C12orf42: variants seen among roughly 807,000 people sequenced by gnomAD.
C12orf42 encodes the protein uncharacterized protein C12orf42.
In C12orf42, 25 loss-of-function variants were observed where a neutral mutation model predicts 21.6. The observed-to-expected ratio is 1.16, with a 90% CI of 0.84 to 1.62. The LOEUF is 1.62. Ranked by LOEUF, C12orf42 falls within the 40% of genes most tolerant of loss-of-function variation. C12orf42 has a pLI of 0.00. For missense variants in C12orf42, 483 were observed against 459.3 expected (o/e 1.05, Z -0.47); for synonymous variants, 174 against 175.0 (o/e 0.99, Z 0.05).
chr12:103,530,447 TTAAC>T, the C12orf42 span, among the ~76,000 whole-genome samples: 1 of 152,190 alleles, frequency 6.6e-6, no homozygotes, highest in Admixed American at 6.5e-5. Context: ...TTAGAAAAGG[TTAAC>T]TAGCACAAAC....
At chr12:103,116,359 C>T in the C12orf42 span, among the ~76,000 whole-genome samples, 1 of 134,316 alleles carries the variant, frequency 7.4e-6, no homozygotes, top group Admixed American at 7.8e-5. Context: ...AGTAAATCTC[C>T]ATCTCACCAA....
chr12:103,087,119 G>A, the C12orf42 span, among the ~76,000 whole-genome samples: 2 of 151,960 alleles, frequency 1.3e-5, no homozygotes, highest in African/African-American at 4.8e-5. Flanking sequence ...GATTCAGTAG[G>A]TACACGTGCA....
chr12:103,497,245 T>C (rs1194540337), upstream of C12orf42, among the ~76,000 whole-genome samples: 2 of 152,362 alleles, frequency 1.3e-5, no homozygotes, highest in East Asian at 3.9e-4. Context: ...AAGGTTTGTA[T>C]GTATAAACTT....
chr12:103,331,494 G>A (rs530489647), intron 4 of C12orf42, among the ~76,000 whole-genome samples: 2 of 152,140 alleles, frequency 1.3e-5, no homozygotes, highest in Non-Finnish European at 2.9e-5. Context: ...ACTGTGCAAG[G>A]TTCTGCTCTT....
At chr12:103,414,855 C>G (rs2049165848) in intron 2 of C12orf42, among the ~76,000 whole-genome samples, 1 of 151,932 alleles carries the variant, frequency 6.6e-6, no homozygotes, top group Non-Finnish European at 1.5e-5. Context: ...AACTTCTTTT[C>G]CTATTTGGAT....
intron 2 of C12orf42, among the ~76,000 whole-genome samples, chr12:103,412,256 A>C (rs1218232908): frequency 2.0e-5 from 3 of 152,258 alleles, no homozygotes; most frequent in Admixed American, 6.5e-5. Context: ...CATTTTTATT[A>C]AACTGCATTT....
intron 4 of C12orf42, among the ~76,000 whole-genome samples, chr12:103,368,317 T>TCTCTCACACA (rs1555271889): frequency 1.4e-5 from 2 of 146,622 alleles, no homozygotes; most frequent in South Asian, 2.1e-4. Flanking sequence ...TCTCTCTCTC[T>TCTCTCACACA]CACACACACA....
At chr12:103,390,846 A>G (rs752493721) in intron 3 of C12orf42, among the ~76,000 whole-genome samples, 1 of 152,190 alleles carries the variant, frequency 6.6e-6, no homozygotes, top group Non-Finnish European at 1.5e-5. Flanking sequence ...CATACAATAA[A>G]CAATTTAGAT....
intron 2 of C12orf42, among the ~76,000 whole-genome samples, chr12:103,424,947 T>A (rs1404499758): frequency 6.6e-6 from 1 of 152,204 alleles, no homozygotes; most frequent in South Asian, 2.1e-4. Context: ...TTTGAAATTC[T>A]CACTGCCAGC....
At chr12:103,335,988 G>A (rs1201830163) in intron 4 of C12orf42, among the ~76,000 whole-genome samples, 1 of 152,224 alleles carries the variant, frequency 6.6e-6, no homozygotes, top group Non-Finnish European at 1.5e-5. Context: ...TTTGCTCACA[G>A]TGTGTCCTCA....
At chr12:103,049,964 A>T in the C12orf42 span, among the ~76,000 whole-genome samples, 56 of 152,220 alleles carry the variant, frequency 3.7e-4, no homozygotes, top group African/African-American at 1.3e-3. Context: ...CTTCCATTGG[A>T]TGCTCCATGT....
At chr12:103,069,577 A>G in the C12orf42 span, among the ~76,000 whole-genome samples, 1 of 152,192 alleles carries the variant, frequency 6.6e-6, no homozygotes, top group Admixed American at 6.6e-5. Context: ...AAATGGTTTT[A>G]TGGATAATTG....
chr12:103,539,743 C>A, the C12orf42 span, among the ~76,000 whole-genome samples: 1 of 151,678 alleles, frequency 6.6e-6, no homozygotes, highest in African/African-American at 2.4e-5. Flanking sequence ...CTACACCCAG[C>A]TAATTTTTTG....
chr12:103,242,888 A>G (rs1193732169), intron 10 of C12orf42, among the ~76,000 whole-genome samples: 1 of 152,200 alleles, frequency 6.6e-6, no homozygotes, highest in Non-Finnish European at 1.5e-5. Context: ...AAGTTTGCTA[A>G]TAAAAATTCC....
chr12:103,283,608 C>G (rs1222688031), intron 4 of C12orf42, among the ~76,000 whole-genome samples: 1 of 152,206 alleles, frequency 6.6e-6, no homozygotes, highest in Non-Finnish European at 1.5e-5. Flanking sequence ...CTTGGACCAG[C>G]CAGCGCTCAC....
At chr12:103,346,837 G>T (rs2042665805) in intron 4 of C12orf42, among the ~76,000 whole-genome samples, 1 of 152,188 alleles carries the variant, frequency 6.6e-6, no homozygotes, top group African/African-American at 2.4e-5. Context: ...AAAGACTAGT[G>T]CATGAGGTAT....
At chr12:103,082,644 C>T in the C12orf42 span, among the ~76,000 whole-genome samples, 19 of 152,116 alleles carry the variant, frequency 1.2e-4, no homozygotes, top group Admixed American at 3.3e-4. Context: ...TGTATACATA[C>T]GTAACAAACC....
chr12:103,264,318 A>G (rs4764949), downstream of C12orf42, among the ~76,000 whole-genome samples: 74,633 of 151,912 alleles, frequency 0.49, 21,479 homozygotes, highest in African/African-American at 0.8. Flanking sequence ...TGAAATAAAT[A>G]TTCTCCCTAA....
At chr12:103,146,514 GAGAA>G in the C12orf42 span, among the ~76,000 whole-genome samples, 6 of 116,908 alleles carry the variant, frequency 5.1e-5, no homozygotes, top group African/African-American at 1.3e-4. Flanking sequence ...AGAAAAGAAA[GAGAA>G]AGAAAGAAAG....
Sources: allele counts gnomAD v4.1 joint callset (sites outside exome capture counted in the v4.1 genomes callset), GRCh38; gene constraint gnomAD v4.1.1; transcripts MANE v1.5; gene names NCBI Gene and HGNC (gene_info 2026-07-23, HGNC 2026-07-21).